SP5: variants seen among roughly 807,000 people sequenced by gnomAD.
SP5 encodes the protein transcription factor Sp5.
A neutral mutation model predicts 27.4 loss-of-function variants in SP5; 12 were observed. The observed-to-expected ratio is 0.44, with a 90% CI of 0.28 to 0.71. The LOEUF is 0.71. Ranked by LOEUF, SP5 falls within the 30% of genes least tolerant of loss-of-function variation. The pLI is 0.15. For synonymous variants in SP5, 330 were observed against 290.7 expected (o/e 1.14, Z -1.38); for missense variants, 660 against 589.8 (o/e 1.12, Z -1.23).
Position 170,717,117 on chromosome 2 carries a change from G to C in SP5, c.910G>C (p.Gly304Arg). Residue 304 changes from glycine to arginine, a missense_variant, in exon 2 of 2, where the codon GGC (glycine) becomes CGC (arginine). By Grantham distance (125) the Gly-to-Arg change is moderately radical. Transcript: ENST00000375281. ...GCACGTGTGCCACGTGCCGGGCTGC[G>C]GCAAGGTGTACGGGAAGACGTCGCA... ...KQHVCHVPGC[G>R]KVYGKTSHLK... The C allele has an allele frequency of 6.3e-7, 1 of 1,593,104 alleles. No homozygotes were observed. Among genetic ancestry groups the C allele is most frequent in the Non-Finnish European group, 8.5e-7 (1 of 1,171,100 alleles).
In SP5 at chr2:170,715,451, C is replaced by G; in HGVS notation, c.-62C>G. On this transcript the variant is annotated 5_prime_UTR_variant, in exon 1 of 2. Coordinates refer to ENST00000375281, the MANE Select transcript of SP5 (RefSeq NM_001003845.3). The stretch of plus-strand genomic sequence containing the variant: ...CTGGGCGGCCCTTCGTCCTCGCCTT[C>G]GGGTGTCCATGCCTCGGCGGCGGCG... The G allele has an allele frequency of 6.5e-7, 1 of 1,538,272 alleles. No homozygotes were observed. The highest frequency in any genetic ancestry group is 8.8e-7 in the Non-Finnish European group (1 of 1,142,250).
Position 170,715,534 on chromosome 2 carries a change from C to T in SP5, c.22C>T (p.Arg8Trp), listed in dbSNP as rs762514770. Residue 8 changes from arginine (R) to tryptophan (W), a missense_variant, in exon 1 of 2, where the codon CGG becomes TGG. By Grantham distance (101) the Arg-to-Trp change is moderately radical (BLOSUM62 -3). Transcript: ENST00000375281. ...AGCCATGGCCGCGGTGGCCGTCCTC[C>T]GGAACGACTCGCTGCAGGCCTTTCT... MAAVAVL[R>W]NDSLQAFLQD... The T allele has an allele frequency of 2.6e-6, 4 of 1,558,450 alleles. No homozygotes were observed. The highest frequency in any genetic ancestry group is 2.4e-5 in the East Asian group (1 of 41,986).
intron 1 of SP5, chr2:170,715,794 C>A: frequency 1.0e-6 from 1 of 985,422 alleles, no homozygotes. Context: ...AGAACAGGAC[C>A]GGAGCTCACC....
At position 170,716,290 on chromosome 2, in the gene SP5, G is replaced by A. The variant is rs1401592937; in HGVS notation, c.83G>A (p.Gly28Asp). 5 of 1,595,542 alleles carry A rather than the reference G, an allele frequency of 3.1e-6. No homozygotes were observed. The highest frequency in any genetic ancestry group is 2.2e-5 in the East Asian group (1 of 44,790). Residue 28 changes from glycine to aspartate, a missense_variant, in exon 2 of 2, where the codon GGC (glycine) becomes GAC (aspartate). By Grantham distance (94) the Gly-to-Asp change is moderately conservative. Transcript: ENST00000375281. ...ACCCCCAGCGCCTCCCCGGACCTGGGCAAGCACTCGCCCCTGGCATTGCTG... is the reference window on the plus strand; with the variant it reads ...ACCCCCAGCGCCTCCCCGGACCTGGACAAGCACTCGCCCCTGGCATTGCTG... Reference protein sequence around the residue: ...DRTPSASPDLGKHSPLALLAA... With the variant: ...DRTPSASPDLDKHSPLALLAA...
In SP5 at chr2:170,717,270, C is replaced by A. The variant is rs1190609965; in HGVS notation, c.1063C>A (p.Arg355Ser). 1 of 1,609,906 alleles carries A rather than the reference C, an allele frequency of 6.2e-7. No individual in the cohort carries two copies. Among genetic ancestry groups the A allele is most frequent in the East Asian group, 2.2e-5 (1 of 44,842 alleles). Residue 355 changes from arginine (R) to serine (S), a missense_variant, in exon 2 of 2, where the codon CGC becomes AGC. By Grantham distance (110) the Arg-to-Ser change is moderately radical. Transcript: ENST00000375281. ...RHLRTHTGEK[R>S]FACPECGKRF... is the part of the protein sequence containing the mutation. The stretch of plus-strand genomic sequence containing the variant: ...CCTGCGGACTCACACGGGCGAGAAG[C>A]GCTTTGCCTGTCCCGAGTGCGGCAA...
In SP5 at chr2:170,717,093, C is replaced by A; in HGVS notation, c.886C>A (p.His296Asn). ...GGCGGAGCCGGGGAAGAAGAAGCAGCACGTGTGCCACGTGCCGGGCTGCGG... is the reference window on the plus strand; with the variant it reads ...GGCGGAGCCGGGGAAGAAGAAGCAGAACGTGTGCCACGTGCCGGGCTGCGG... ...PEAEPGKKKQ[H>N]VCHVPGCGKV... The change falls in exon 2 of 2, where the codon CAC (histidine) becomes AAC (asparagine). Residue 296 changes from histidine (H) to asparagine (N), a missense_variant. Transcript: ENST00000375281. 1 of 1,574,482 alleles carries A rather than the reference C, an allele frequency of 6.4e-7. No homozygotes were observed. The highest frequency in any genetic ancestry group is 8.6e-7 in the Non-Finnish European group (1 of 1,161,380).
Position 170,716,699 on chromosome 2 carries a change from T to TCCG in SP5, c.501_503dup (p.Pro173dup). ...CGCCAGGCTACTCCAACCTGCTGCCTCCGCCGCCGCCACCGCCCCCGCCGC... is the reference window on the plus strand; with the variant it reads ...CGCCAGGCTACTCCAACCTGCTGCCTCCGCCGCCGCCGCCACCGCCCCCGCCGC... On this transcript the variant is annotated inframe_insertion, in exon 2 of 2. Transcript: ENST00000375281. 2.0e-6 allele frequency: 3 copies of TCCG among 1,521,458 alleles called. No homozygotes were observed. Among genetic ancestry groups the TCCG allele is most frequent in the African/African-American group, 2.9e-5 (2 of 69,028 alleles). The allele number at this position is 1,521,458 out of a possible 1,614,324, so 94.2% of individuals were successfully genotyped here.
In SP5 at chr2:170,717,028, G is replaced by A; in HGVS notation, c.821G>A (p.Cys274Tyr). 6.5e-7 allele frequency: 1 copy of A among 1,547,398 alleles called. No homozygotes were observed. Among genetic ancestry groups the A allele is most frequent in the Non-Finnish European group, 8.7e-7 (1 of 1,146,214 alleles). ...GCCACGGCCAGGAGGTGCCGCCGCTGCCGCTGTCCCAACTGCCAGGCGGCG... is the reference window on the plus strand; with the variant it reads ...GCCACGGCCAGGAGGTGCCGCCGCTACCGCTGTCCCAACTGCCAGGCGGCG... ...LAATARRCRR[C>Y]RCPNCQAAGG... The change falls in exon 2 of 2, where the codon TGC becomes TAC. Residue 274 changes from cysteine (C) to tyrosine (Y), a missense_variant. Coordinates refer to ENST00000375281, the MANE Select transcript of SP5 (RefSeq NM_001003845.3).
chr2:170,715,360 C>CGGGGCGCGGCGAGGGGCAAGGGCGGGGA lies in SP5; in HGVS notation c.-149_-122dup. The CGGGGCGCGGCGAGGGGCAAGGGCGGGGA allele has an allele frequency of 1.0e-6, 1 of 995,326 alleles. No individual in the cohort carries two copies. Among genetic ancestry groups the CGGGGCGCGGCGAGGGGCAAGGGCGGGGA allele is most frequent in the East Asian group, 3.3e-5 (1 of 30,070 alleles). The allele number at this position is 995,326 out of a possible 1,614,324, so 61.7% of individuals were successfully genotyped here. ...TCAGACCGCGCGCGGGGCGAGCGAG[C>CGGGGCGCGGCGAGGGGCAAGGGCGGGGA]GGGGCGCGGCGAGGGGCAAGGGCGG... On this transcript the variant is annotated 5_prime_UTR_variant, in exon 1 of 2. Transcript: ENST00000375281.
Position 170,717,112 on chromosome 2 carries a change from G to C in SP5, c.905G>C (p.Gly302Ala), listed in dbSNP as rs1021927661. The C allele has an allele frequency of 6.3e-7, 1 of 1,589,610 alleles. No homozygotes were observed. ...KKKQHVCHVP[G>A]CGKVYGKTSH... ...AAGCAGCACGTGTGCCACGTGCCGG[G>C]CTGCGGCAAGGTGTACGGGAAGACG... Residue 302 changes from glycine to alanine, a missense_variant, in exon 2 of 2, where the codon GGC becomes GCC. Transcript: ENST00000375281.
chr2:170,716,729 C>T lies in SP5; in HGVS notation c.522C>T (p.Thr174=), dbSNP rs1471874690. Reference sequence around the variant, plus strand: ...CGCCGCCACCGCCCCCGCCGCCCACCTGCCGCCAGTTGTCACCCAACCCGG... The same window carrying T: ...CGCCGCCACCGCCCCCGCCGCCCACTTGCCGCCAGTTGTCACCCAACCCGG... The part of the protein sequence containing the change: ...PPPPPPPPPP[T]CRQLSPNPAP... Residue 174 remains threonine, a synonymous_variant, in exon 2 of 2, where the codon ACC becomes ACT. Transcript: ENST00000375281. 85 of 1,488,104 alleles carry T rather than the reference C, an allele frequency of 5.7e-5. No homozygotes were observed. The highest frequency in any genetic ancestry group is 9.3e-5 in the Admixed American group (4 of 43,188). The allele number at this position is 1,488,104 out of a possible 1,614,324, so 92.2% of individuals were successfully genotyped here.
Position 170,717,391 on chromosome 2 carries a change from C to T in SP5, c.1184C>T (p.Ala395Val). The T allele has an allele frequency of 7.4e-6, 12 of 1,610,910 alleles. No individual in the cohort carries two copies. Among genetic ancestry groups the T allele is most frequent in the South Asian group, 1.1e-5 (1 of 91,050 alleles). The change falls in exon 2 of 2, where the codon GCG (alanine) becomes GTG (valine). Residue 395 changes from alanine to valine, a missense_variant. Physicochemically the swap from Ala to Val is moderately conservative, Grantham distance 64. Coordinates refer to ENST00000375281, the MANE Select transcript of SP5 (RefSeq NM_001003845.3). ...VAEAGVKRED[A>V]RDL Reference sequence around the variant, plus strand: ...GAGGCCGGGGTTAAGCGGGAGGACGCGCGGGACCTGTGAGCCCTCCCGGAG... The same window carrying T: ...GAGGCCGGGGTTAAGCGGGAGGACGTGCGGGACCTGTGAGCCCTCCCGGAG...
At chr2:170,715,939 T>G (rs1700055372) in intron 1 of SP5, 1 of 1,342,878 alleles carries the variant, frequency 7.4e-7, no homozygotes, top group Admixed American at 3.8e-5. Flanking sequence ...CGACTCTTAC[T>G]GACCACGGAG....
Position 170,716,814 on chromosome 2 carries a change from G to A in SP5, c.607G>A (p.Gly203Arg), listed in dbSNP as rs1450240027. 3.6e-6 allele frequency: 5 copies of A among 1,395,890 alleles called. No individual in the cohort carries two copies. Among genetic ancestry groups the A allele is most frequent in the Admixed American group, 7.2e-5 (2 of 27,612 alleles). 86.5% of individuals were successfully genotyped at this position (1,395,890 alleles called of 1,614,324 possible). A position where few individuals can be genotyped will look rare whatever the true frequency, so the allele number is the denominator to read the frequency against. ...GGCGGGCGCCGGGCCGGGGGCCTCC[G>A]GGGTTCCGGGAAGCGGCCTCTCCGG... ...PQAGAGPGAS[G>R]VPGSGLSGAC... The change falls in exon 2 of 2, where the codon GGG becomes AGG. Residue 203 changes from glycine to arginine, a missense_variant. By Grantham distance (125) the Gly-to-Arg change is moderately radical. Coordinates refer to ENST00000375281, the MANE Select transcript of SP5 (RefSeq NM_001003845.3).
rs374162125 is a variant in SP5, at chr2:170,717,030, C to A, written c.823C>A (p.Arg275Ser). 11 of 1,547,552 alleles carry A rather than the reference C, an allele frequency of 7.1e-6. No homozygotes were observed. Among genetic ancestry groups the A allele is most frequent in the Non-Finnish European group, 7.0e-6 (8 of 1,146,378 alleles). ...AATARRCRRCRCPNCQAAGGA... is the reference protein window; with the variant it reads ...AATARRCRRCSCPNCQAAGGA... ...CACGGCCAGGAGGTGCCGCCGCTGC[C>A]GCTGTCCCAACTGCCAGGCGGCGGG... Residue 275 changes from arginine to serine, a missense_variant, in exon 2 of 2, where the codon CGC becomes AGC. Transcript: ENST00000375281.
chr2:170,716,039 G>C, intron 1 of SP5: 1 of 1,393,838 alleles, frequency 7.2e-7, no homozygotes, highest in South Asian at 1.6e-5. Flanking sequence ...AAGTAGTTTA[G>C]CAAGAAGCGC....
In SP5 at chr2:170,716,852, G is replaced by A; in HGVS notation, c.645G>A (p.Gly215=). The change falls in exon 2 of 2, where the codon GGG becomes GGA. Residue 215 remains glycine (G), a synonymous_variant. Transcript: ENST00000375281. ...PGSGLSGACA[G]APHAPRFPAS... is the part of the protein sequence containing the mutation. ...GCGGCCTCTCCGGCGCCTGTGCCGG[G>A]GCCCCCCACGCGCCCCGCTTCCCCG... 1.4e-6 allele frequency: 2 copies of A among 1,445,214 alleles called. No homozygotes were observed. The highest frequency in any genetic ancestry group is 1.8e-6 in the Non-Finnish European group (2 of 1,103,504). The allele number at this position is 1,445,214 out of a possible 1,614,324, so 89.5% of individuals were successfully genotyped here. A position where few individuals can be genotyped will look rare whatever the true frequency, so the allele number is the denominator to read the frequency against.
intron 1 of SP5, 33 bp downstream of exon 1, chr2:170,715,596 G>C (rs1289935540): frequency 3.9e-6 from 6 of 1,541,628 alleles, no homozygotes; most frequent in East Asian, 2.5e-5. Context: ...GCGGGAGAAA[G>C]GTGGAAAGGG....
chr2:170,717,549 C>G lies in SP5; in HGVS notation c.*145C>G. The G allele has an allele frequency of 1.8e-6, 2 of 1,137,342 alleles. No homozygotes were observed. Among genetic ancestry groups the G allele is most frequent in the East Asian group, 2.6e-5 (1 of 38,846 alleles). The allele number at this position is 1,137,342 out of a possible 1,614,324, so 70.5% of individuals were successfully genotyped here. A position where few individuals can be genotyped will look rare whatever the true frequency, so the allele number is the denominator to read the frequency against. The stretch of plus-strand genomic sequence containing the variant: ...GAGCCAGGCTTCCAACTTCCGCTGC[C>G]TTCGGACATAGGGACCCAGTTCCCA... On this transcript the variant is annotated 3_prime_UTR_variant, in exon 2 of 2. Coordinates refer to ENST00000375281, the MANE Select transcript of SP5 (RefSeq NM_001003845.3).
Sources: allele counts gnomAD v4.1 joint callset, GRCh38; gene constraint gnomAD v4.1.1; transcripts MANE v1.5; gene names NCBI Gene and HGNC (gene_info 2026-07-23, HGNC 2026-07-21).